PASD1: variants seen among roughly 807,000 people sequenced by gnomAD.
PASD1 encodes PAS domain containing repressor 1.
A neutral mutation model predicts 58.8 loss-of-function variants in PASD1; 13 were observed. The ratio of observed to expected loss-of-function variants is 0.22; its 90% CI spans 0.14 to 0.35. The LOEUF (loss-of-function observed/expected upper bound fraction) is 0.35, where lower values mean the gene tolerates loss of function less well. Ranked by LOEUF, PASD1 falls within the 10% of genes least tolerant of loss-of-function variation. The pLI, the probability that PASD1 is intolerant of heterozygous loss-of-function variation, is 1.00. For missense variants in PASD1, 734 were observed against 568.3 expected, an observed-to-expected ratio of 1.29 and a Z score of -2.96; for synonymous variants, 236 against 216.7, an observed-to-expected ratio of 1.09 and a Z score of -0.78.
chrX:151,639,937 C>T (rs1428832805), intron 8 of PASD1, among the ~76,000 whole-genome samples: 1 of 112,200 alleles, frequency 8.9e-6, no homozygotes, highest in Non-Finnish European at 1.9e-5. Flanking sequence ...CATATTTGCA[C>T]AGCCAACACA....
intron 9 of PASD1, among the ~76,000 whole-genome samples, chrX:151,653,339 ATG>A (rs2014159539): frequency 9.2e-6 from 1 of 109,251 alleles, no homozygotes; most frequent in Non-Finnish European, 1.9e-5. Flanking sequence ...TTACAGGCGC[ATG>A]CCACCACACC....
At chrX:151,668,570 C>G (rs184928543) in intron 11 of PASD1, among the ~76,000 whole-genome samples, 2 of 111,368 alleles carry the variant, frequency 1.8e-5, no homozygotes, top group Non-Finnish European at 3.8e-5. Context: ...TCAGAGAATA[C>G]TATAAACACC....
chrX:151,613,910 C>G (rs1303511428), intron 4 of PASD1, among the ~76,000 whole-genome samples: 2 of 110,950 alleles, frequency 1.8e-5, no homozygotes, highest in Non-Finnish European at 3.8e-5. Context: ...GATTTGGTGT[C>G]TAGTGAGGGC....
chrX:151,588,144 T>G, intron 1 of PASD1, among the ~76,000 whole-genome samples: 1 of 112,012 alleles, frequency 8.9e-6, no homozygotes, highest in Middle Eastern at 4.7e-3. Context: ...TAAAACAAAT[T>G]CCTGGAACCA....
intron 3 of PASD1, among the ~76,000 whole-genome samples, chrX:151,606,060 A>G (rs1434911316): frequency 8.9e-6 from 1 of 112,753 alleles, no homozygotes; most frequent in African/African-American, 3.2e-5. Context: ...AGGGATAATT[A>G]TGTTCACAAC....
intron 9 of PASD1, among the ~76,000 whole-genome samples, chrX:151,654,930 T>C (rs758700703): frequency 8.1e-5 from 9 of 110,860 alleles, no homozygotes; most frequent in Admixed American, 7.7e-4. Flanking sequence ...TGTATACATA[T>C]GCCATGTTGG....
At chrX:151,657,132 T>G in intron 9 of PASD1, among the ~76,000 whole-genome samples, 1 of 112,175 alleles carries the variant, frequency 8.9e-6, no homozygotes, top group African/African-American at 3.2e-5. Flanking sequence ...GTTTTTGTCA[T>G]TGGTTCTGTT....
chrX:151,670,797 A>G (rs994198929), intron 11 of PASD1, among the ~76,000 whole-genome samples: 2 of 112,287 alleles, frequency 1.8e-5, no homozygotes, highest in African/African-American at 6.5e-5. Context: ...CTCTGGGCCA[A>G]TTCCACTTCT....
At chrX:151,650,503 A>C (rs2014116528) in intron 9 of PASD1, among the ~76,000 whole-genome samples, 1 of 111,463 alleles carries the variant, frequency 9.0e-6, no homozygotes, top group African/African-American at 3.3e-5. Flanking sequence ...ACAATGAAAA[A>C]TATAGCTTAC....
Position 151,672,503 on chromosome X carries a change from C to T in PASD1, c.1758C>T (p.Cys586=), listed in dbSNP as rs768869613. ...TGGGGAATGAGAGGGTGCAGATATG[C>T]CTGCAAAACCCACGTGACGTATCTG... The part of the protein sequence containing the change: ...VIVGNERVQI[C]LQNPRDVSVP... Residue 586 remains cysteine, a synonymous_variant, in exon 14 of 16, where the codon TGC becomes TGT. Transcript: ENST00000370357. 1 of 1,211,658 alleles carries T rather than the reference C, an allele frequency of 8.3e-7. No individual in the cohort carries two copies. The highest frequency in any genetic ancestry group is 1.8e-5 in the South Asian group (1 of 56,964).
chrX:151,616,120 C>A (rs949873818), intron 4 of PASD1, among the ~76,000 whole-genome samples: 1 of 112,000 alleles, frequency 8.9e-6, no homozygotes, highest in Admixed American at 9.4e-5. Context: ...AGTAACATCC[C>A]TTTTCCTCTG....
chrX:151,660,538 G>T (rs2014296651), intron 10 of PASD1, among the ~76,000 whole-genome samples: 1 of 112,322 alleles, frequency 8.9e-6, no homozygotes, highest in Admixed American at 9.4e-5. Flanking sequence ...CAAAACAATT[G>T]ATTTTTGGCA....
chrX:151,667,102 T>C (rs1350081120), intron 11 of PASD1, among the ~76,000 whole-genome samples: 1 of 111,799 alleles, frequency 8.9e-6, no homozygotes, highest in Non-Finnish European at 1.9e-5. Context: ...TGGTATCTCA[T>C]TGTGGTTTTG....
chrX:151,664,090 C>A, intron 10 of PASD1, 29 bp from the exon 11 acceptor site: 1 of 1,209,503 alleles, frequency 8.3e-7, no homozygotes, highest in South Asian at 1.8e-5. Context: ...CTTTTTAAGT[C>A]ATGAACTCCC....
At chrX:151,668,006 A>C (rs113532225) in intron 11 of PASD1, among the ~76,000 whole-genome samples, 80 of 111,086 alleles carry the variant, frequency 7.2e-4, no homozygotes, top group African/African-American at 2.5e-3. Context: ...ATTCTTTCTC[A>C]TACCTGATTG....
chrX:151,669,693 G>C (rs1049436969), intron 11 of PASD1, among the ~76,000 whole-genome samples: 1 of 111,827 alleles, frequency 8.9e-6, no homozygotes, highest in East Asian at 2.8e-4. Context: ...ATGACCTCCA[G>C]TTCCATCCAT....
rs185618737 is a variant in PASD1 at position 151,614,741 on chromosome X, A to G, written c.207+2988A>G. Among the ~76,000 whole-genome samples the G allele has an allele frequency of 3.6e-5, 4 of 112,090 alleles. No individual in the cohort carries two copies. The East Asian group carries it at 1.1e-3, about 31-fold the overall frequency. The stretch of plus-strand genomic sequence containing the variant: ...TAGAAGCTAGGTTAGATTATCTTGT[A>G]GTTAGGTTGGAAGTGGATTAAAAAT... On this transcript the variant is annotated intron_variant, in intron 4 of 15. Transcript: ENST00000370357.
At chrX:151,637,409 C>T (rs1449328548) in intron 8 of PASD1, among the ~76,000 whole-genome samples, 1 of 111,545 alleles carries the variant, frequency 9.0e-6, no homozygotes, top group Non-Finnish European at 1.9e-5. Context: ...GACAGAGTCT[C>T]GCTCTTGTCC....
At chrX:151,572,292 A>G (rs2124220885) in intron 1 of PASD1, among the ~76,000 whole-genome samples, 1 of 111,752 alleles carries the variant, frequency 8.9e-6, no homozygotes, top group East Asian at 2.8e-4. Flanking sequence ...AACAATAGCA[A>G]TGAAAACACC....
Sources: gnomAD v4.1 joint callset for allele counts (sites outside exome capture counted in the v4.1 genomes callset) on GRCh38, gnomAD v4.1.1 for gene constraint, MANE v1.5 for transcripts, NCBI Gene and HGNC (gene_info 2026-07-23, HGNC 2026-07-21) for gene names.